The following CNTNAP5 variants were observed in gnomAD, a reference collection of about 807,000 sequenced individuals.
CNTNAP5 encodes the protein contactin-associated protein-like 5.
A neutral mutation model predicts 150.2 loss-of-function variants in CNTNAP5; 72 were observed. The ratio of observed to expected loss-of-function variants is 0.48; its 90% confidence interval spans 0.40 to 0.58. The LOEUF (loss-of-function observed/expected upper bound fraction) is 0.58, where lower values mean the gene tolerates loss of function less well. Among genes scored for constraint, CNTNAP5 ranks in the 20% least tolerant of loss-of-function variants. The pLI is 0.00. For synonymous variants in CNTNAP5, 672 were observed against 619.8 expected (o/e 1.08, Z -1.25); for missense variants, 1,636 against 1,626.2 (o/e 1.01, Z -0.10).
intron 17 of CNTNAP5, among the ~76,000 whole-genome samples, chr2:124,784,216 A>G (rs1661278033): frequency 6.6e-6 from 1 of 152,114 alleles, no homozygotes; most frequent in Non-Finnish European, 1.5e-5. Context: ...AATTTTTATG[A>G]AATAAGAGCC....
intron 5 of CNTNAP5, among the ~76,000 whole-genome samples, chr2:124,437,709 G>T (rs1332944019): frequency 6.6e-6 from 1 of 152,014 alleles, no homozygotes; most frequent in East Asian, 1.9e-4. Context: ...AGGGGAAAGG[G>T]TTTATAACAT....
intron 5 of CNTNAP5, 58 bp downstream of exon 5, chr2:124,434,745 C>T: frequency 1.4e-6 from 2 of 1,416,060 alleles, no homozygotes; most frequent in South Asian, 2.5e-5. Flanking sequence ...TACTCCACAG[C>T]TCACAGTGTC....
chr2:124,500,678 A>C (rs1014860992), intron 7 of CNTNAP5, among the ~76,000 whole-genome samples: 7 of 152,278 alleles, frequency 4.6e-5, no homozygotes, highest in Middle Eastern at 3.4e-3. Context: ...AGATCAAGGA[A>C]AGAGTCTTTT....
chr2:124,850,780 G>A (rs1459847105), intron 19 of CNTNAP5, among the ~76,000 whole-genome samples: 1 of 152,050 alleles, frequency 6.6e-6, no homozygotes, highest in Non-Finnish European at 1.5e-5. Flanking sequence ...GAAACTAGGA[G>A]AGAAAAATAT....
chr2:124,648,027 GA>G, intron 13 of CNTNAP5, 69 bp downstream of exon 13: 2 of 1,441,132 alleles, frequency 1.4e-6, no homozygotes, highest in Non-Finnish European at 1.9e-6. Flanking sequence ...TTAGGCAAAG[GA>G]AAATTTGCCA....
chr2:124,680,414 A>C (rs1389335328), intron 13 of CNTNAP5, among the ~76,000 whole-genome samples: 1 of 151,900 alleles, frequency 6.6e-6, no homozygotes, highest in Non-Finnish European at 1.5e-5. Flanking sequence ...CCCCAACTGC[A>C]TTCCTGTGGC....
intron 12 of CNTNAP5, among the ~76,000 whole-genome samples, chr2:124,643,356 A>C (rs1352450567): frequency 6.6e-6 from 1 of 152,212 alleles, no homozygotes; most frequent in East Asian, 1.9e-4. Flanking sequence ...GGTAGCAAAA[A>C]GTAGTATCAG....
intron 3 of CNTNAP5, among the ~76,000 whole-genome samples, chr2:124,322,053 G>A (rs757434776): frequency 3.4e-4 from 51 of 152,108 alleles, no homozygotes; most frequent in Non-Finnish European, 4.1e-4. Context: ...GGGAGACTGA[G>A]GCAGGAGAAT....
chr2:124,891,557 C>A (rs1306676724), intron 21 of CNTNAP5, among the ~76,000 whole-genome samples: 2 of 152,040 alleles, frequency 1.3e-5, no homozygotes, highest in East Asian at 3.9e-4. Context: ...CAAAAGATAT[C>A]ATGTAATCTG....
chr2:124,609,115 T>C (rs1411140572), intron 11 of CNTNAP5, among the ~76,000 whole-genome samples: 1 of 152,122 alleles, frequency 6.6e-6, no homozygotes, highest in Non-Finnish European at 1.5e-5. Context: ...CTCTTACAGG[T>C]TCTGTAACCC....
chr2:124,246,443 C>T (rs546867123), intron 3 of CNTNAP5, among the ~76,000 whole-genome samples: 8 of 152,100 alleles, frequency 5.3e-5, no homozygotes, highest in Non-Finnish European at 1.0e-4. Flanking sequence ...ACAAACCCTG[C>T]AACAATGTTC....
At chr2:124,606,960 A>G (rs376412151) in intron 11 of CNTNAP5, among the ~76,000 whole-genome samples, 1 of 143,834 alleles carries the variant, frequency 7.0e-6, no homozygotes, top group African/African-American at 2.6e-5. Context: ...CAAGTCATGA[A>G]ACAACACTAC....
At chr2:124,313,556 T>A (rs1688885790) in intron 3 of CNTNAP5, among the ~76,000 whole-genome samples, 1 of 152,222 alleles carries the variant, frequency 6.6e-6, no homozygotes, top group African/African-American at 2.4e-5. Flanking sequence ...TCTTTCTTTT[T>A]CTGTCTTAAC....
chr2:124,222,579 C>G (rs1018548351), intron 2 of CNTNAP5, among the ~76,000 whole-genome samples: 1 of 151,890 alleles, frequency 6.6e-6, no homozygotes, highest in Non-Finnish European at 1.5e-5. Context: ...AGCGTGTATG[C>G]AATTTAAAGA....
chr2:124,611,198 G>A (rs1677377318), intron 12 of CNTNAP5, among the ~76,000 whole-genome samples: 1 of 152,172 alleles, frequency 6.6e-6, no homozygotes, highest in African/African-American at 2.4e-5. Context: ...CACTGTTTTA[G>A]ATACAGAGGG....
At chr2:124,521,983 C>T (rs1387459337) in intron 8 of CNTNAP5, among the ~76,000 whole-genome samples, 2 of 152,152 alleles carry the variant, frequency 1.3e-5, no homozygotes, top group African/African-American at 2.4e-5. Flanking sequence ...TTCTCTTCTT[C>T]ACCCCAAGCA....
At chr2:124,532,667 C>A (rs560153405) in intron 10 of CNTNAP5, among the ~76,000 whole-genome samples, 2 of 152,154 alleles carry the variant, frequency 1.3e-5, no homozygotes, top group African/African-American at 4.8e-5. Flanking sequence ...TCAGAAGCAG[C>A]AGGACACATT....
chr2:124,221,720 C>A lies in CNTNAP5; in HGVS notation c.98C>A (p.Pro33Gln). 1 of 1,609,122 alleles carries A rather than the reference C, an allele frequency of 6.2e-7. No individual in the cohort carries two copies. The highest frequency in any genetic ancestry group is 2.2e-5 in the East Asian group (1 of 44,734). Residue 33 changes from proline to glutamine, a missense_variant, in exon 2 of 24, where the codon CCA becomes CAA. Pro to Gln is a moderately conservative substitution (Grantham distance 76, BLOSUM62 -1). Transcript: ENST00000682447. The part of the protein sequence containing the change: ...LTATNYNCDD[P>Q]LASLLSPMAF... The stretch of plus-strand genomic sequence containing the variant: ...ATCATTATAGACAACTGTGATGATC[C>A]ACTAGCATCCCTGCTCTCTCCAATG...
chr2:124,858,603 C>G (rs572608640), intron 19 of CNTNAP5, among the ~76,000 whole-genome samples: 1 of 151,992 alleles, frequency 6.6e-6, no homozygotes, highest in Admixed American at 6.6e-5. Flanking sequence ...GAATCAATAT[C>G]GTGAAAATCA....
Sources: gnomAD v4.1 joint callset for allele counts (sites outside exome capture counted in the v4.1 genomes callset) on GRCh38, gnomAD v4.1.1 for gene constraint, MANE v1.5 for transcripts, NCBI Gene and HGNC (gene_info 2026-07-23, HGNC 2026-07-21) for gene names.